The following LAMA3 variants were observed in gnomAD, a reference collection of about 807,000 sequenced individuals.
LAMA3 encodes laminin subunit alpha-3.
A neutral mutation model predicts 402.0 loss-of-function variants in LAMA3; 281 were observed. The ratio of observed to expected loss-of-function variants is 0.70; its 90% CI spans 0.63 to 0.77. The LOEUF (loss-of-function observed/expected upper bound fraction) is 0.77. Ranked by LOEUF, LAMA3 falls within the 30% of genes least tolerant of loss-of-function variation. The probability of loss-of-function intolerance (pLI) is 0.00; values close to 1 mark genes in which losing one functional copy is unlikely to be tolerated. For synonymous variants in LAMA3, 1,431 were observed against 1,558.4 expected, an observed-to-expected ratio of 0.92 and a Z score of 1.93; for missense variants, 3,840 against 4,215.5, an observed-to-expected ratio of 0.91 and a Z score of 2.47.
chr18:23,912,960 C>A, intron 56 of LAMA3, 79 bp downstream of exon 56: 1 of 1,258,670 alleles, frequency 7.9e-7, no homozygotes, highest in Non-Finnish European at 1.1e-6. Context: ...TGTGGCACGG[C>A]TGCATCACTG....
At chr18:23,881,889 A>G in intron 39 of LAMA3, 47 bp from the exon 40 acceptor site, 1 of 1,195,124 alleles carries the variant, frequency 8.4e-7, no homozygotes, top group East Asian at 2.4e-5. Flanking sequence ...TCTCAGAAGT[A>G]GGGACTGTAC....
chr18:23,827,277 G>A lies in LAMA3; in HGVS notation c.2670-37G>A, dbSNP rs760448372. The A allele has an allele frequency of 2.5e-6, 4 of 1,610,550 alleles. No homozygotes were observed. The South Asian group carries it at 4.4e-5, about 18-fold the overall frequency. The stretch of plus-strand genomic sequence containing the variant: ...GATATTCCGTTTGATGTTCTCAGTT[G>A]TAACTATTGATTCCATTGTTGTTGC... On this transcript the variant is annotated intron_variant, in intron 22 of 74. Coordinates refer to ENST00000313654, the MANE Select transcript of LAMA3 (RefSeq NM_198129.4).
intron 36 of LAMA3, among the ~76,000 whole-genome samples, chr18:23,867,003 G>A (rs779054348): frequency 1.3e-5 from 2 of 152,218 alleles, no homozygotes; most frequent in Admixed American, 1.3e-4. Context: ...ACCTTGCCCT[G>A]TTAAGATGCA....
At chr18:23,785,824 A>G (rs760191740) in intron 12 of LAMA3, among the ~76,000 whole-genome samples, 7 of 152,208 alleles carry the variant, frequency 4.6e-5, no homozygotes, top group Non-Finnish European at 8.8e-5. Context: ...TGAATTACAA[A>G]TATTCTAACT....
At chr18:23,799,261 T>C (rs901360812) in intron 12 of LAMA3, among the ~76,000 whole-genome samples, 7 of 152,056 alleles carry the variant, frequency 4.6e-5, no homozygotes, top group Admixed American at 3.3e-4. Context: ...AGACAAGAAA[T>C]AAAATACTCC....
chr18:23,769,175 T>G (rs2062142357), intron 8 of LAMA3, among the ~76,000 whole-genome samples: 2 of 152,204 alleles, frequency 1.3e-5, no homozygotes, highest in South Asian at 4.1e-4. Flanking sequence ...AAAAGAATTT[T>G]AGGAAACTAC....
intron 56 of LAMA3, among the ~76,000 whole-genome samples, chr18:23,913,432 A>G (rs2081504039): frequency 6.6e-6 from 1 of 152,224 alleles, no homozygotes; most frequent in African/African-American, 2.4e-5. Context: ...ATTCATCACT[A>G]CTACTACTAT....
At chr18:23,932,314 G>A in intron 66 of LAMA3, 23 bp downstream of exon 66, 1 of 1,612,814 alleles carries the variant, frequency 6.2e-7, no homozygotes, top group Non-Finnish European at 8.5e-7. Context: ...CTCTTTGTGG[G>A]TAACTGATGA....
chr18:23,948,047 C>G lies in LAMA3; in HGVS notation c.9352-1718C>G, dbSNP rs555533335. ...CAGAATGGTCTCGATCTCCTGACCT[C>G]GTGATCTGCCCTCCTCGGCCTCCCA... On this transcript the variant is annotated intron_variant, in intron 70 of 74. Coordinates refer to ENST00000313654, the MANE Select transcript of LAMA3 (RefSeq NM_198129.4). Among the ~76,000 whole-genome samples, 35 of 152,220 alleles carry G rather than the reference C, an allele frequency of 2.3e-4. 1 individual carries two copies. Among genetic ancestry groups the G allele is most frequent in the Admixed American group, 2.2e-3 (33 of 15,282 alleles).
At chr18:23,703,397 C>G (rs898731968) in intron 1 of LAMA3, among the ~76,000 whole-genome samples, 1 of 152,190 alleles carries the variant, frequency 6.6e-6, no homozygotes, top group African/African-American at 2.4e-5. Context: ...CGTTCCATAG[C>G]TGTGACTGGT....
chr18:23,722,332 C>A lies in LAMA3; in HGVS notation c.447+8260C>A, dbSNP rs1427565648. ...GTTTCTGTTTACTCAGAGGCACTTG[C>A]TAAGCTGTGCCGTAAAGGCTGATCC... is the stretch of plus-strand genomic sequence containing the variant. On this transcript the variant is annotated intron_variant, in intron 2 of 74. Coordinates refer to ENST00000313654, the MANE Select transcript of LAMA3 (RefSeq NM_198129.4). Among the ~76,000 whole-genome samples, 3 of 152,310 alleles carry A rather than the reference C, an allele frequency of 2.0e-5. No homozygotes were observed. The South Asian group carries it at 6.2e-4, about 32-fold the overall frequency.
At chr18:23,798,115 AT>A (rs1000701779) in intron 12 of LAMA3, among the ~76,000 whole-genome samples, 32 of 150,468 alleles carry the variant, frequency 2.1e-4, no homozygotes, top group African/African-American at 7.4e-4. Context: ...GCTATTCTTC[AT>A]TTTTTTCTTC....
intron 72 of LAMA3, 99 bp downstream of exon 72, chr18:23,950,258 A>G: frequency 7.3e-7 from 1 of 1,372,484 alleles, no homozygotes; most frequent in Non-Finnish European, 1.0e-6. Context: ...ATGGGATCCA[A>G]TCTTGTATTT....
At chr18:23,770,390 A>AC (rs1240532686) in intron 8 of LAMA3, among the ~76,000 whole-genome samples, 5 of 152,106 alleles carry the variant, frequency 3.3e-5, no homozygotes, top group Admixed American at 3.3e-4. Flanking sequence ...TAAAAAAAAA[A>AC]ACCTCAAAAA....
intron 11 of LAMA3, among the ~76,000 whole-genome samples, chr18:23,783,819 G>T (rs938134218): frequency 1.3e-5 from 2 of 151,994 alleles, no homozygotes; most frequent in African/African-American, 2.4e-5. Flanking sequence ...CCATCCTTAC[G>T]TGTTTTTTTT....
chr18:23,690,187 G>A (rs936457468), intron 1 of LAMA3, among the ~76,000 whole-genome samples: 1 of 152,190 alleles, frequency 6.6e-6, no homozygotes, highest in Non-Finnish European at 1.5e-5. Flanking sequence ...GAGGCGAGGA[G>A]GGGGAGCACG....
At position 23,926,769 on chromosome 18, in the gene LAMA3, G is replaced by A. The variant is rs972328842; in HGVS notation, c.8178-1354G>A. ...GTGCATTCAGCTCCAGACAGATCCAGAAGTCAAATCGAAGGGGAAATGCCC... is the reference window on the plus strand; with the variant it reads ...GTGCATTCAGCTCCAGACAGATCCAAAAGTCAAATCGAAGGGGAAATGCCC... On this transcript the variant is annotated intron_variant, in intron 62 of 74. Transcript: ENST00000313654. 2.6e-5 allele frequency among the ~76,000 whole-genome samples: 4 copies of A among 152,230 alleles called. No individual in the cohort carries two copies. The South Asian group carries it at 8.3e-4, about 32-fold the overall frequency.
chr18:23,820,310 C>T (rs1214919393), intron 19 of LAMA3, among the ~76,000 whole-genome samples: 1 of 152,078 alleles, frequency 6.6e-6, no homozygotes, highest in Admixed American at 6.5e-5. Context: ...GGGAAGTTTC[C>T]TAAATGACGT....
chr18:23,737,673 G>A (rs1031054601), intron 2 of LAMA3, among the ~76,000 whole-genome samples: 10 of 152,138 alleles, frequency 6.6e-5, no homozygotes, highest in African/African-American at 1.4e-4. Flanking sequence ...TCTCAGCATC[G>A]CCCTCATCCA....
Sources: allele counts gnomAD v4.1 joint callset (sites outside exome capture counted in the v4.1 genomes callset), GRCh38; gene constraint gnomAD v4.1.1; transcripts MANE v1.5; gene names NCBI Gene and HGNC (gene_info 2026-07-23, HGNC 2026-07-21).